ELSPBP1: variants seen among roughly 807,000 people sequenced by gnomAD.
The protein encoded by ELSPBP1 is epididymal sperm-binding protein 1.
ELSPBP1 carries 38 observed loss-of-function variants against 33.3 expected under a neutral mutation model. The observed-to-expected ratio is 1.14, with a 90% CI of 0.88 to 1.50. ELSPBP1 has a LOEUF of 1.50. ELSPBP1 is among the 40% of genes most tolerant of loss of function. The probability of loss-of-function intolerance (pLI) is 0.00; values close to 1 mark genes in which losing one functional copy is unlikely to be tolerated. For missense variants in ELSPBP1, 267 were observed against 263.5 expected (o/e 1.01, Z -0.09); for synonymous variants, 85 against 94.1 (o/e 0.90, Z 0.56).
At chr19:47,996,627 G>C (rs1568401988) in intron 1 of ELSPBP1, among the ~76,000 whole-genome samples, 1 of 151,932 alleles carries the variant, frequency 6.6e-6, no homozygotes, top group African/African-American at 2.4e-5. Flanking sequence ...GTAAGAATGG[G>C]TGGAAGGATA....
Position 48,008,664 on chromosome 19 carries a change from C to G in ELSPBP1, c.-4C>G, listed in dbSNP as rs141591592. ...TCTTTTCCACAGAGAAGAGGGCAGC[C>G]AAGATGACCCGATGGTCCAGTTACC... On this transcript the variant is annotated 5_prime_UTR_variant, in exon 2 of 7. Coordinates refer to ENST00000339841, the MANE Select transcript of ELSPBP1 (RefSeq NM_022142.5). 256 of 1,613,560 alleles carry G rather than the reference C, an allele frequency of 1.6e-4. 1 individual carries two copies. The East Asian group carries it at 5.4e-3, about 34-fold the overall frequency.
Position 48,022,248 on chromosome 19 carries a change from A to G in ELSPBP1, c.593A>G (p.Asn198Ser), listed in dbSNP as rs1967208994. The G allele has an allele frequency of 1.2e-6, 2 of 1,613,874 alleles. No homozygotes were observed. The highest frequency in any genetic ancestry group is 1.3e-5 in the African/African-American group (1 of 74,910). ...YKNKNYFNCT[N>S]EGSKENLVWC... is the part of the protein sequence containing the mutation. ...AACAAGAATTATTTTAACTGCACTA[A>G]CGAAGGATCAAAGGAGAACCTTGTG... Residue 198 changes from asparagine (N) to serine (S), a missense_variant, in exon 6 of 7, where the codon AAC (asparagine) becomes AGC (serine). By Grantham distance (46) the Asn-to-Ser change is conservative. Transcript: ENST00000339841.
At chr19:48,008,063 A>T (rs752822730) in intron 1 of ELSPBP1, among the ~76,000 whole-genome samples, 20 of 152,198 alleles carry the variant, frequency 1.3e-4, no homozygotes, top group Non-Finnish European at 1.5e-4. Context: ...TTGTGTGAGC[A>T]TCATAGAGTG....
chr19:48,000,618 C>T, intron 1 of ELSPBP1, among the ~76,000 whole-genome samples: 1 of 152,224 alleles, frequency 6.6e-6, no homozygotes, highest in South Asian at 2.1e-4. Flanking sequence ...CTGAAGGTCA[C>T]ACGGATGAGC....
intron 4 of ELSPBP1, among the ~76,000 whole-genome samples, chr19:48,016,515 TCTTTCTTTCTTTCTTCCTTCCTTC>T (rs1226469880): frequency 5.3e-4 from 38 of 71,270 alleles, no homozygotes; most frequent in African/African-American, 1.8e-3. Flanking sequence ...TTTCTTTCTT[TCTTTCTTTCTTTCTTCCTTCCTTC>T]CTTCCTTCCT....
intron 4 of ELSPBP1, among the ~76,000 whole-genome samples, chr19:48,019,204 G>A (rs1469881571): frequency 6.6e-6 from 1 of 152,074 alleles, no homozygotes; most frequent in African/African-American, 2.4e-5. Flanking sequence ...TCAGCATATT[G>A]ATGGGGTCTT....
intron 1 of ELSPBP1, among the ~76,000 whole-genome samples, chr19:48,007,703 G>A (rs1378309769): frequency 1.3e-5 from 2 of 152,168 alleles, no homozygotes; most frequent in East Asian, 3.9e-4. Context: ...AGATGAGTGT[G>A]ATTCATGGGG....
intron 1 of ELSPBP1, among the ~76,000 whole-genome samples, chr19:48,006,532 T>A (rs1338967540): frequency 6.9e-6 from 1 of 145,284 alleles, no homozygotes; most frequent in Non-Finnish European, 1.5e-5. Context: ...GAGAATCGCT[T>A]GAGCCTGGCA....
intron 1 of ELSPBP1, among the ~76,000 whole-genome samples, chr19:47,999,838 T>A (rs1966949724): frequency 6.6e-6 from 1 of 151,478 alleles, no homozygotes; most frequent in African/African-American, 2.4e-5. Context: ...TTTTTTTTTT[T>A]AGGAAATGGG....
chr19:48,013,280 G>A (rs1967096228), intron 2 of ELSPBP1, among the ~76,000 whole-genome samples: 1 of 152,194 alleles, frequency 6.6e-6, no homozygotes, highest in Non-Finnish European at 1.5e-5. Context: ...TCTTGGTTGT[G>A]TATGAAACTC....
At chr19:48,006,968 G>A (rs1232857776) in intron 1 of ELSPBP1, among the ~76,000 whole-genome samples, 1 of 152,162 alleles carries the variant, frequency 6.6e-6, no homozygotes, top group Admixed American at 6.5e-5. Flanking sequence ...GTGTTGTGTG[G>A]CTCAGATACT....
At chr19:48,002,033 G>A (rs917302937) in intron 1 of ELSPBP1, among the ~76,000 whole-genome samples, 2 of 152,058 alleles carry the variant, frequency 1.3e-5, no homozygotes, top group African/African-American at 4.8e-5. Flanking sequence ...TAGCATATTC[G>A]TGGACTCTAG....
chr19:48,000,114 G>A (rs977742311), intron 1 of ELSPBP1, among the ~76,000 whole-genome samples: 6 of 150,574 alleles, frequency 4.0e-5, no homozygotes, highest in South Asian at 4.2e-4. Flanking sequence ...GCCTGAGCCC[G>A]CACGCCCAGC....
chr19:48,022,887 C>CAAAA (rs10695720), intron 6 of ELSPBP1, among the ~76,000 whole-genome samples: 5 of 140,644 alleles, frequency 3.6e-5, no homozygotes, highest in East Asian at 4.2e-4. Context: ...CCTGTCTCTA[C>CAAAA]AAAAAAAAAA....
chr19:48,021,919 A>AT (rs998296757), intron 5 of ELSPBP1, among the ~76,000 whole-genome samples: 5 of 151,822 alleles, frequency 3.3e-5, no homozygotes, highest in African/African-American at 9.7e-5. Context: ...AATTAAAAAA[A>AT]TTTTTTTTGT....
At chr19:48,017,225 T>C (rs1967152002) in intron 4 of ELSPBP1, among the ~76,000 whole-genome samples, 1 of 152,172 alleles carries the variant, frequency 6.6e-6, no homozygotes, top group South Asian at 2.1e-4. Flanking sequence ...CAAAGATGTG[T>C]GAAGGCAGTT....
chr19:48,019,118 C>CA (rs1437442982), intron 4 of ELSPBP1, among the ~76,000 whole-genome samples: 1 of 152,158 alleles, frequency 6.6e-6, no homozygotes, highest in Non-Finnish European at 1.5e-5. Context: ...CGTACCACTG[C>CA]ACTCCAGCCT....
chr19:48,006,505 T>C (rs1600103614), intron 1 of ELSPBP1, among the ~76,000 whole-genome samples: 1 of 150,726 alleles, frequency 6.6e-6, no homozygotes, highest in East Asian at 2.0e-4. Context: ...TCCCAGCTAC[T>C]TGGGAGGCTG....
At chr19:48,018,796 TAAAA>T (rs1055736533) in intron 4 of ELSPBP1, among the ~76,000 whole-genome samples, 1 of 148,262 alleles carries the variant, frequency 6.7e-6, no homozygotes, top group Non-Finnish European at 1.5e-5. Flanking sequence ...CAAAGGAAAT[TAAAA>T]AAAAAAGCCT....
Sources: allele counts gnomAD v4.1 joint callset (sites outside exome capture counted in the v4.1 genomes callset), GRCh38; gene constraint gnomAD v4.1.1; transcripts MANE v1.5; gene names NCBI Gene and HGNC (gene_info 2026-07-23, HGNC 2026-07-21).